The following UST variants were observed in gnomAD, a reference collection of about 807,000 sequenced individuals.
The protein encoded by UST is uronyl 2-sulfotransferase.
A neutral mutation model predicts 45.6 loss-of-function variants in UST; 21 were observed. That is an observed-to-expected ratio of 0.46 (90% CI 0.33 to 0.66). The LOEUF is 0.66. Among genes scored for constraint, UST ranks in the 30% least tolerant of loss-of-function variants. The pLI, the probability that UST is intolerant of heterozygous loss-of-function variation, is 0.02. For synonymous variants in UST, 215 were observed against 200.6 expected, an observed-to-expected ratio of 1.07 and a Z score of -0.61; for missense variants, 463 against 512.4, an observed-to-expected ratio of 0.90 and a Z score of 0.93.
At chr6:148,993,155 A>G (rs2486402) in intron 5 of UST, 758,785 of 799,860 alleles carry the variant, frequency 0.95, 360,435 homozygotes, top group Non-Finnish European at 0.96. Context: ...CGATTTCTAC[A>G]TCTAAACAAG....
intron 1 of UST, among the ~76,000 whole-genome samples, chr6:148,860,688 G>A (rs1582858374): frequency 6.6e-6 from 1 of 152,198 alleles, no homozygotes; most frequent in East Asian, 1.9e-4. Flanking sequence ...CTAGTTTATT[G>A]AGAGTTTTTA....
chr6:148,913,666 C>T (rs1779523556), intron 2 of UST, among the ~76,000 whole-genome samples: 2 of 151,984 alleles, frequency 1.3e-5, no homozygotes, highest in African/African-American at 4.8e-5. Flanking sequence ...TTTCCTATGT[C>T]AGTTCATACA....
chr6:149,029,792 G>A (rs1776112104), intron 7 of UST, among the ~76,000 whole-genome samples: 1 of 150,668 alleles, frequency 6.6e-6, no homozygotes, highest in Non-Finnish European at 1.5e-5. Context: ...ATTTACCATC[G>A]ATATTCTCTA....
intron 1 of UST, among the ~76,000 whole-genome samples, chr6:148,770,996 A>G (rs1263833610): frequency 2.0e-5 from 3 of 152,044 alleles, no homozygotes; most frequent in Non-Finnish European, 4.4e-5. Context: ...TCCTGCAGGT[A>G]TTGATTTAGT....
chr6:148,999,384 G>A (rs751017723), intron 5 of UST, among the ~76,000 whole-genome samples: 3 of 152,294 alleles, frequency 2.0e-5, no homozygotes, highest in African/African-American at 4.8e-5. Flanking sequence ...GGTGGATACC[G>A]TAATACAGAG....
intron 1 of UST, among the ~76,000 whole-genome samples, chr6:148,754,348 A>G (rs1562557280): frequency 6.6e-6 from 1 of 152,058 alleles, no homozygotes; most frequent in Non-Finnish European, 1.5e-5. Context: ...AACAGGTGGT[A>G]TTTGGTTACG....
At chr6:149,008,818 T>C (rs1003525895) in intron 5 of UST, among the ~76,000 whole-genome samples, 5 of 152,202 alleles carry the variant, frequency 3.3e-5, no homozygotes, top group Non-Finnish European at 7.3e-5. Context: ...CCCAAAGTAT[T>C]TGAATGTTTC....
rs532720288 is a variant in UST, at chr6:148,790,470, G to A, written c.247+42793G>A. On this transcript the variant is annotated intron_variant, in intron 1 of 7. Transcript: ENST00000367463. This position sits in a 1 kb window ranked among gnomAD's most constrained non-coding sequence, Gnocchi z 4.2. ...CAGGGGTAGATGGCATACCTCCTTG[G>A]CGAATCTGATTTTGAAGTCCGTGCC... Among the ~76,000 whole-genome samples the A allele has an allele frequency of 5.9e-5, 9 of 152,166 alleles. No homozygotes were observed. The highest frequency in any genetic ancestry group is 9.7e-5 in the African/African-American group (4 of 41,430).
chr6:148,965,822 T>C (rs1780780380), intron 5 of UST, among the ~76,000 whole-genome samples: 1 of 152,124 alleles, frequency 6.6e-6, no homozygotes, highest in African/African-American at 2.4e-5. Flanking sequence ...TTGATGATTT[T>C]ATTTTTATTT....
At chr6:149,029,449 A>ATAT (rs1433974490) in intron 7 of UST, among the ~76,000 whole-genome samples, 2 of 145,400 alleles carry the variant, frequency 1.4e-5, no homozygotes, top group Non-Finnish European at 3.0e-5. Context: ...ATATTATATT[A>ATAT]TATATACATT....
chr6:148,806,025 G>A (rs1362388779), intron 1 of UST, among the ~76,000 whole-genome samples: 1 of 152,088 alleles, frequency 6.6e-6, no homozygotes, highest in Non-Finnish European at 1.5e-5. Flanking sequence ...ACAGGAACTG[G>A]GAGGACCAGT....
rs1320576 is a variant in UST at position 149,036,979 on chromosome 6, G to C, written c.937+15498G>C. On this transcript the variant is annotated intron_variant, in intron 7 of 7. Transcript: ENST00000367463. ...AGGCAGAGCGTATGACCATTTAAAGGTATCATTCCACATAACCTGGTGGAA... is the reference window on the plus strand; with the variant it reads ...AGGCAGAGCGTATGACCATTTAAAGCTATCATTCCACATAACCTGGTGGAA... Among the ~76,000 whole-genome samples, 1,065 of 152,268 alleles carry C rather than the reference G, an allele frequency of 7.0e-3. 15 individuals carry two copies. The highest frequency in any genetic ancestry group is 0.025 in the African/African-American group (1,020 of 41,548).
At chr6:148,808,418 C>T (rs890827260) in intron 1 of UST, among the ~76,000 whole-genome samples, 2 of 151,850 alleles carry the variant, frequency 1.3e-5, no homozygotes, top group African/African-American at 4.8e-5. Context: ...TGGCTTTTGC[C>T]TGCTTGTGAG....
At chr6:148,833,568 C>A (rs767256460) in intron 1 of UST, among the ~76,000 whole-genome samples, 3 of 152,124 alleles carry the variant, frequency 2.0e-5, no homozygotes, top group Non-Finnish European at 4.4e-5. Flanking sequence ...TGAGGAGAAC[C>A]AGAAAGTTCC....
intron 2 of UST, among the ~76,000 whole-genome samples, chr6:148,898,244 T>C (rs888975285): frequency 6.6e-6 from 1 of 152,198 alleles, no homozygotes; most frequent in African/African-American, 2.4e-5. Flanking sequence ...TTGCAAGTGA[T>C]AGGAAAATTA....
At chr6:148,977,273 T>C (rs1781033207) in intron 5 of UST, among the ~76,000 whole-genome samples, 1 of 151,646 alleles carries the variant, frequency 6.6e-6, no homozygotes, top group Non-Finnish European at 1.5e-5. Context: ...TGTAACCTAT[T>C]GTATAATTAC....
intron 2 of UST, among the ~76,000 whole-genome samples, chr6:148,894,351 G>C (rs553022993): frequency 3.5e-4 from 54 of 152,284 alleles, no homozygotes; most frequent in South Asian, 2.3e-3. Flanking sequence ...ACTGGAGAAG[G>C]GTGGACCCTA....
intron 2 of UST, among the ~76,000 whole-genome samples, chr6:148,911,356 G>GT (rs1394350038): frequency 2.6e-5 from 4 of 152,082 alleles, no homozygotes; most frequent in Non-Finnish European, 5.9e-5. Flanking sequence ...CTGTCAACCT[G>GT]TTCTTCCCTA....
In UST at chr6:148,921,928, TCTC is replaced by T. The variant is rs1473636400; in HGVS notation, c.292-19347_292-19345del. On this transcript the variant is annotated intron_variant, in intron 2 of 7. Transcript: ENST00000367463. ...CAGAGCAGGGCTCCAGTCCCCACCC[TCTC>T]CTCAAACACCCAGCATCATCAGAGC... 5.9e-5 allele frequency among the ~76,000 whole-genome samples: 9 copies of T among 151,670 alleles called. No homozygotes were observed. In the South Asian group the frequency reaches 1.9e-3, roughly 32 times the overall value.
Sources: allele counts gnomAD v4.1 joint callset (sites outside exome capture counted in the v4.1 genomes callset), GRCh38; gene constraint gnomAD v4.1.1; non-coding constraint Gnocchi (gnomAD v3.1); transcripts MANE v1.5; gene names NCBI Gene and HGNC (gene_info 2026-07-23, HGNC 2026-07-21).